Variants in JAKMIP2 observed in about 807,000 individuals in gnomAD.
JAKMIP2 encodes the protein janus kinase and microtubule-interacting protein 2.
Under a neutral mutation model 115.0 loss-of-function variants are expected in JAKMIP2, and 25 were observed. The observed-to-expected ratio is 0.22, with a 90% CI of 0.16 to 0.30. JAKMIP2 has a LOEUF of 0.30. Ranked by LOEUF, JAKMIP2 falls within the 10% of genes least tolerant of loss-of-function variation. The pLI is 1.00. For synonymous variants in JAKMIP2, 334 were observed against 343.6 expected (o/e 0.97, Z 0.31); for missense variants, 642 against 957.6 (o/e 0.67, Z 4.35).
intron 21 of JAKMIP2, among the ~76,000 whole-genome samples, chr5:147,597,886 C>T (rs1755476583): frequency 6.6e-6 from 1 of 152,092 alleles, no homozygotes; most frequent in East Asian, 1.9e-4. Flanking sequence ...GTCCTTCAGC[C>T]TTTGGACTCT....
chr5:147,661,858 T>A (rs968463765), intron 2 of JAKMIP2: 1 of 174,154 alleles, frequency 5.7e-6, no homozygotes, highest in Non-Finnish European at 1.2e-5. Flanking sequence ...GCTATCATGG[T>A]TTTTCCCTTT....
At chr5:147,644,515 G>T (rs2304036) in intron 6 of JAKMIP2, among the ~76,000 whole-genome samples, 33,230 of 152,104 alleles carry the variant, frequency 0.22, 4,589 homozygotes, top group East Asian at 0.58. Context: ...AGAAGACAAG[G>T]TGTGCCTGGG....
intron 3 of JAKMIP2, among the ~76,000 whole-genome samples, chr5:147,653,125 G>A (rs1246526531): frequency 6.6e-6 from 1 of 152,124 alleles, no homozygotes; most frequent in Non-Finnish European, 1.5e-5. Flanking sequence ...GGGCATTTGG[G>A]TTGGTTCCAT....
At chr5:147,752,074 G>C (rs1754579900) in intron 1 of JAKMIP2, among the ~76,000 whole-genome samples, 1 of 152,110 alleles carries the variant, frequency 6.6e-6, no homozygotes, top group Non-Finnish European at 1.5e-5. Flanking sequence ...TAGAGGAATG[G>C]ATGACTGTAA....
Position 147,721,123 on chromosome 5 carries a change from G to C in JAKMIP2, c.-148-49169C>G, listed in dbSNP as rs555320007. Among the ~76,000 whole-genome samples, 1,326 of 151,938 alleles carry C rather than the reference G, an allele frequency of 8.7e-3. 19 individuals carry two copies. The highest frequency in any genetic ancestry group is 0.03 in the African/African-American group (1,258 of 41,346). On this transcript the variant is annotated intron_variant, in intron 1 of 21. Coordinates refer to ENST00000616793, the MANE Select transcript of JAKMIP2 (RefSeq NM_001270941.2). ...GTACCCTGCCATGTGAGGTGTCAGT[G>C]TGCCCCTGCTGGGGGGTGCCTCCCA...
At chr5:147,690,539 T>TATATA (rs1751784531) in intron 1 of JAKMIP2, among the ~76,000 whole-genome samples, 1 of 92,250 alleles carries the variant, frequency 1.1e-5, no homozygotes, top group East Asian at 4.3e-4. Flanking sequence ...ACTAAAGAGA[T>TATATA]TATATATATA....
rs1183891002 is a variant in JAKMIP2, at chr5:147,591,606, C to G, written c.*101G>C. On this transcript the variant is annotated 3_prime_UTR_variant, in exon 22 of 22. Coordinates refer to ENST00000616793, the MANE Select transcript of JAKMIP2 (RefSeq NM_001270941.2). ...AGTTCTTAGCTTTTGATCTCCCTCT[C>G]ACTGGTGTAAACAATTTTGCCATCT... 7.6e-7 allele frequency: 1 copy of G among 1,318,276 alleles called. No individual in the cohort carries two copies. The highest frequency in any genetic ancestry group is 1.5e-5 in the African/African-American group (1 of 68,878). The allele number at this position is 1,318,276 out of a possible 1,614,324, so 81.7% of individuals were successfully genotyped here.
rs1253706031 is a variant in JAKMIP2 at position 147,653,599 on chromosome 5, T to C, written c.628-3052A>G. On this transcript the variant is annotated intron_variant, in intron 3 of 21. Coordinates refer to ENST00000616793, the MANE Select transcript of JAKMIP2 (RefSeq NM_001270941.2). The stretch of plus-strand genomic sequence containing the variant: ...TAAATTTGTTTAAGTTCCTTATAGA[T>C]TCTGGATATTACACCTTTGTCAGAA... 1.3e-5 allele frequency among the ~76,000 whole-genome samples: 2 copies of C among 152,206 alleles called. 1 individual carries two copies. Among genetic ancestry groups the C allele is most frequent in the Non-Finnish European group, 2.9e-5 (2 of 68,034 alleles).
intron 1 of JAKMIP2, among the ~76,000 whole-genome samples, chr5:147,705,683 A>C (rs1009076783): frequency 1.6e-4 from 24 of 152,216 alleles, no homozygotes; most frequent in African/African-American, 5.8e-4. Context: ...CTTCCAGGGC[A>C]GAAGTGCTCT....
chr5:147,712,845 C>T (rs1350020061), intron 1 of JAKMIP2, among the ~76,000 whole-genome samples: 1 of 152,168 alleles, frequency 6.6e-6, no homozygotes, highest in African/African-American at 2.4e-5. Flanking sequence ...AGACGTTTCT[C>T]TTCCTCTTTC....
chr5:147,763,841 G>A (rs1755017929), intron 1 of JAKMIP2, among the ~76,000 whole-genome samples: 1 of 152,064 alleles, frequency 6.6e-6, no homozygotes, highest in Non-Finnish European at 1.5e-5. Context: ...TCAAGAGTTG[G>A]TTATATTTGA....
At chr5:147,696,394 C>T (rs567331437) in intron 1 of JAKMIP2, among the ~76,000 whole-genome samples, 18 of 152,200 alleles carry the variant, frequency 1.2e-4, no homozygotes, top group East Asian at 9.7e-4. Context: ...CCCATTTGCT[C>T]GGCATTTCTC....
intron 1 of JAKMIP2, among the ~76,000 whole-genome samples, chr5:147,703,148 C>A (rs1392303086): frequency 6.6e-6 from 1 of 151,960 alleles, no homozygotes; most frequent in Non-Finnish European, 1.5e-5. Flanking sequence ...GAGATATATT[C>A]TGAGGAATGT....
chr5:147,685,640 T>C (rs891605147), intron 1 of JAKMIP2, among the ~76,000 whole-genome samples: 17 of 152,212 alleles, frequency 1.1e-4, no homozygotes, highest in African/African-American at 4.1e-4. Context: ...TTACTATTTA[T>C]TGATTTACCT....
intron 1 of JAKMIP2, among the ~76,000 whole-genome samples, chr5:147,718,663 A>G (rs1753122527): frequency 6.6e-6 from 1 of 152,054 alleles, no homozygotes; most frequent in Admixed American, 6.6e-5. Context: ...CTCTGATGGT[A>G]GTTTGTATTT....
chr5:147,758,090 CA>C, intron 1 of JAKMIP2, among the ~76,000 whole-genome samples: 1 of 152,006 alleles, frequency 6.6e-6, no homozygotes, highest in East Asian at 1.9e-4. Flanking sequence ...GTAAAATAGT[CA>C]AATGTAGTAA....
chr5:147,611,473 C>G (rs1330173730), intron 20 of JAKMIP2, among the ~76,000 whole-genome samples: 1 of 152,148 alleles, frequency 6.6e-6, no homozygotes, highest in Non-Finnish European at 1.5e-5. Context: ...TTGGGTGAGG[C>G]AACACCCCAC....
intron 14 of JAKMIP2, among the ~76,000 whole-genome samples, chr5:147,630,183 A>G (rs1414634310): frequency 6.6e-6 from 1 of 152,186 alleles, no homozygotes; most frequent in Non-Finnish European, 1.5e-5. Context: ...TATTCTAATT[A>G]GCAAAATTCT....
chr5:147,673,450 G>A (rs1434017494), intron 1 of JAKMIP2, among the ~76,000 whole-genome samples: 1 of 152,096 alleles, frequency 6.6e-6, no homozygotes, highest in Admixed American at 6.5e-5. Flanking sequence ...AAGCATGCTG[G>A]GATCCTGGGC....
Sources: gnomAD v4.1 joint callset for allele counts (sites outside exome capture counted in the v4.1 genomes callset) on GRCh38, gnomAD v4.1.1 for gene constraint, MANE v1.5 for transcripts, NCBI Gene and HGNC (gene_info 2026-07-23, HGNC 2026-07-21) for gene names.